Variants in UBN1 observed in about 807,000 individuals in gnomAD.
UBN1 encodes the protein ubinuclein-1.
Under a neutral mutation model 108.5 loss-of-function variants are expected in UBN1, and 17 were observed. That is an observed-to-expected ratio of 0.16 (90% confidence interval 0.11 to 0.24). The LOEUF (loss-of-function observed/expected upper bound fraction) is 0.24, where lower values mean the gene tolerates loss of function less well. Ranked by LOEUF, UBN1 falls within the 10% of genes least tolerant of loss-of-function variation. The pLI is 1.00. For missense variants in UBN1, 1,595 were observed against 1,394.4 expected (o/e 1.14, Z -2.29); for synonymous variants, 726 against 564.2 (o/e 1.29, Z -4.07).
At position 4,858,553 on chromosome 16, in the gene UBN1, G is replaced by T. The variant is rs747488769; in HGVS notation, c.337-15G>T. On this transcript the variant is annotated splice_polypyrimidine_tract_variant and intron_variant, in intron 3 of 17. Transcript: ENST00000262376. Reference sequence around the variant, plus strand: ...TTATTCAAAAAGCATGTAATCTATTGCTTTCACATTTTAGGGTGGAAAGAA... The same window carrying T: ...TTATTCAAAAAGCATGTAATCTATTTCTTTCACATTTTAGGGTGGAAAGAA... The T allele has an allele frequency of 1.9e-6, 3 of 1,611,100 alleles. No individual in the cohort carries two copies. The highest frequency in any genetic ancestry group is 4.5e-5 in the East Asian group (2 of 44,860).
intron 6 of UBN1, 114 bp from the exon 7 acceptor site, chr16:4,860,550 G>T: frequency 4.7e-6 from 5 of 1,075,068 alleles, no homozygotes; most frequent in South Asian, 1.6e-5. Flanking sequence ...TGACAGGGTG[G>T]ACTGTGACAG....
chr16:4,871,531 C>A (rs1040482768), intron 12 of UBN1, among the ~76,000 whole-genome samples: 6 of 150,510 alleles, frequency 4.0e-5, no homozygotes, highest in African/African-American at 1.5e-4. Flanking sequence ...CATTTTTTGT[C>A]CCACTTCAGT....
chr16:4,860,457 C>A (rs1453040116), intron 6 of UBN1, among the ~76,000 whole-genome samples: 1 of 152,220 alleles, frequency 6.6e-6, no homozygotes, highest in Non-Finnish European at 1.5e-5. Context: ...GCATATGTGA[C>A]ACTGTGTTGC....
rs1439029506 is a variant in UBN1 at position 4,871,189 on chromosome 16, G to C, written c.1594G>C (p.Glu532Gln). Residue 532 changes from glutamate (E) to glutamine (Q), a missense_variant, in exon 12 of 18, where the codon GAG (glutamate) becomes CAG (glutamine). Around this residue, in one of 3 missense-constraint regions of UBN1, gnomAD observed 1,398 missense variants for 1,194.7 expected, o/e 1.17. Coordinates refer to ENST00000262376, the MANE Select transcript of UBN1 (RefSeq NM_001079514.3). ...LLCQVVKIKL[E>Q]SQDLERNNKA... ...GTGCCAGGTGGTGAAGATCAAACTG[G>C]AGAGCCAGGACCTGGAGAGGAACAA... The C allele has an allele frequency of 6.2e-7, 1 of 1,614,242 alleles. No homozygotes were observed. Among genetic ancestry groups the C allele is most frequent in the Admixed American group, 1.7e-5 (1 of 60,024 alleles).
intron 1 of UBN1, chr16:4,848,481 G>A (rs1215593307): frequency 1.3e-5 from 2 of 152,232 alleles, no homozygotes; most frequent in East Asian, 3.8e-4. Flanking sequence ...TCGGGCTCTT[G>A]TTGAGTCACT....
intron 12 of UBN1, among the ~76,000 whole-genome samples, 160 bp from the exon 13 acceptor site, chr16:4,872,724 C>T (rs2087707375): frequency 1.3e-5 from 2 of 152,202 alleles, no homozygotes; most frequent in Admixed American, 1.3e-4. Context: ...CTGCCTTGGC[C>T]TCCAAAAGTG....
At chr16:4,858,960 C>G (rs963069463) in intron 4 of UBN1, 65 bp from the exon 5 acceptor site, 4 of 1,579,394 alleles carry the variant, frequency 2.5e-6, no homozygotes, top group South Asian at 2.4e-5. Flanking sequence ...TCTCTCGAGA[C>G]CCACTTTGCA....
At chr16:4,869,411 T>C (rs1338660360) in intron 8 of UBN1, among the ~76,000 whole-genome samples, 3 of 152,218 alleles carry the variant, frequency 2.0e-5, no homozygotes. Flanking sequence ...GCTGTGTGAA[T>C]CGGGTTAAAA....
rs1274958150 is a variant in UBN1, at chr16:4,870,654, T to C, written c.1430+20T>C. 1 of 1,612,834 alleles carries C rather than the reference T, an allele frequency of 6.2e-7. No homozygotes were observed. Among genetic ancestry groups the C allele is most frequent in the Non-Finnish European group, 8.5e-7 (1 of 1,179,760 alleles). ...TGCCAAGTAAGTTTGTCCTGGCGCT[T>C]GCAGGTGCAACCCTCCCGTCTTGCC... On this transcript the variant is annotated intron_variant, in intron 10 of 17. Transcript: ENST00000262376.
In UBN1 at chr16:4,847,558, C is replaced by T; in HGVS notation, c.-692C>T. 1 of 423,358 alleles carries T rather than the reference C, an allele frequency of 2.4e-6. No homozygotes were observed. The highest frequency in any genetic ancestry group is 4.2e-6 in the Non-Finnish European group (1 of 237,382). 26.2% of individuals were successfully genotyped at this position (423,358 alleles called of 1,614,324 possible). On this transcript the variant is annotated 5_prime_UTR_variant, in exon 1 of 18. Coordinates refer to ENST00000262376, the MANE Select transcript of UBN1 (RefSeq NM_001079514.3). ...GCGGCGGCGGCGGCGACGGTGCGACCGGCTGAGCGCGAGAGGGAGCCGGCC... is the reference window on the plus strand; with the variant it reads ...GCGGCGGCGGCGGCGACGGTGCGACTGGCTGAGCGCGAGAGGGAGCCGGCC...
At chr16:4,872,374 C>T in intron 12 of UBN1, 2 of 980,098 alleles carry the variant, frequency 2.0e-6, no homozygotes, top group Non-Finnish European at 2.4e-6. Context: ...CAGACTCAGC[C>T]TTTGGGCAGC....
At chr16:4,867,141 A>G (rs1200840128) in intron 7 of UBN1, among the ~76,000 whole-genome samples, 1 of 152,210 alleles carries the variant, frequency 6.6e-6, no homozygotes, top group Non-Finnish European at 1.5e-5. Flanking sequence ...AGGCTTGGAA[A>G]GAGCTGCTGA....
intron 12 of UBN1, 45 bp downstream of exon 12, chr16:4,871,346 G>GT (rs1300722159): frequency 6.3e-7 from 1 of 1,587,214 alleles, no homozygotes; most frequent in Non-Finnish European, 8.6e-7. Context: ...GTCAAGACAC[G>GT]TTTGAACGCT....
chr16:4,859,208 C>A, intron 5 of UBN1, 49 bp downstream of exon 5: 1 of 1,592,520 alleles, frequency 6.3e-7, no homozygotes, highest in Non-Finnish European at 8.5e-7. Context: ...TTGACGTGAC[C>A]CTATCAGATC....
rs2142156815 is a variant in UBN1, at chr16:4,858,593, G to A, written c.362G>A (p.Arg121Gln). The part of the protein sequence containing the change: ...KYGGKKRRKD[R>Q]IQDLIDMGYG... Reference sequence around the variant, plus strand: ...GGTGGAAAGAAACGTAGAAAAGACCGAATACAGGACTTGATCGATATGGGG... The same window carrying A: ...GGTGGAAAGAAACGTAGAAAAGACCAAATACAGGACTTGATCGATATGGGG... The change falls in exon 4 of 18, where the codon CGA becomes CAA. Residue 121 changes from arginine (R) to glutamine (Q), a missense_variant. Transcript: ENST00000262376. 2 of 1,614,106 alleles carry A rather than the reference G, an allele frequency of 1.2e-6. No individual in the cohort carries two copies. The highest frequency in any genetic ancestry group is 1.7e-6 in the Non-Finnish European group (2 of 1,179,984).
Position 4,863,280 on chromosome 16 carries a change from C to T in UBN1, c.1110+2178C>T, listed in dbSNP as rs142808628. ...TTTAAAAAGATGCTTAATGCTACTC[C>T]GAAGGGTCCTCAGGTGCGCTCTTCT... On this transcript the variant is annotated intron_variant, in intron 7 of 17. Coordinates refer to ENST00000262376, the MANE Select transcript of UBN1 (RefSeq NM_001079514.3). Among the ~76,000 whole-genome samples the T allele has an allele frequency of 5.5e-3, 831 of 152,180 alleles. 7 individuals carry two copies. Among genetic ancestry groups the T allele is most frequent in the African/African-American group, 0.019 (791 of 41,510 alleles).
intron 1 of UBN1, among the ~76,000 whole-genome samples, chr16:4,850,769 C>G (rs150425871): frequency 3.3e-5 from 5 of 152,164 alleles, no homozygotes; most frequent in Non-Finnish European, 7.3e-5. Context: ...ACAAATACGT[C>G]TACATGTATG....
At chr16:4,871,691 G>C (rs551895849) in intron 12 of UBN1, among the ~76,000 whole-genome samples, 3 of 144,570 alleles carry the variant, frequency 2.1e-5, no homozygotes, top group Non-Finnish European at 4.5e-5. Flanking sequence ...GGTTCACGCC[G>C]TTCTCCTGCC....
In UBN1 at chr16:4,861,122, CTGGGCTTTCCTGGAAGCAGTT is replaced by C. The variant is rs771624139; in HGVS notation, c.1110+26_1110+46del. 2.5e-6 allele frequency: 4 copies of C among 1,593,828 alleles called. No individual in the cohort carries two copies. The highest frequency in any genetic ancestry group is 3.4e-6 in the Non-Finnish European group (4 of 1,170,048). On this transcript the variant is annotated intron_variant, in intron 7 of 17. Transcript: ENST00000262376. ...GCTCAGGTATGGTGGCACAGTGCGG[CTGGGCTTTCCTGGAAGCAGTT>C]TGGGCAGATTGCTGTTGGTTCTGCA... is the stretch of plus-strand genomic sequence containing the variant.
Sources: gnomAD v4.1 joint callset for allele counts (sites outside exome capture counted in the v4.1 genomes callset) on GRCh38, gnomAD v4.1.1 for gene constraint, gnomAD v4.1.1 regional missense constraint, MANE v1.5 for transcripts, NCBI Gene and HGNC (gene_info 2026-07-23, HGNC 2026-07-21) for gene names.